Variants in C4orf54 observed in about 807,000 individuals in gnomAD.
C4orf54 encodes the protein uncharacterized protein C4orf54.
C4orf54 carries 67 observed loss-of-function variants against 80.1 expected under a neutral mutation model. That is an observed-to-expected ratio of 0.84 (90% CI 0.69 to 1.03). C4orf54 has a LOEUF of 1.03. C4orf54 is among the 50% of genes least tolerant of loss of function. The pLI is 0.00. For synonymous variants in C4orf54, 1,000 were observed against 917.0 expected, an observed-to-expected ratio of 1.09 and a Z score of -1.64; for missense variants, 2,434 against 2,253.5, an observed-to-expected ratio of 1.08 and a Z score of -1.62.
rs754282471 is a variant in C4orf54 at position 99,649,414 on chromosome 4, G to A, written c.5235C>T (p.Ala1745=). 3.4e-5 allele frequency: 52 copies of A among 1,536,154 alleles called. No individual in the cohort carries two copies. In the South Asian group the frequency reaches 5.7e-4, roughly 17 times the overall value. Residue 1745 remains alanine (A), a synonymous_variant, in exon 2 of 3, where the codon GCC becomes GCT. Coordinates refer to ENST00000511828, the MANE Select transcript of C4orf54 (RefSeq NM_001354435.2). ...CCTTGGCCCCTAGGAGCTGGGATGT[G>A]GCTGCTGGGGCTGAGGAGGTTGAGG... ...PASSTSSAPA[A]TSQLLGAKAF...
chr4:99,650,869 G>C lies in C4orf54; in HGVS notation c.3780C>G (p.Ala1260=). 1 of 1,536,132 alleles carries C rather than the reference G, an allele frequency of 6.5e-7. No homozygotes were observed. The highest frequency in any genetic ancestry group is 8.7e-7 in the Non-Finnish European group (1 of 1,146,916). Residue 1260 remains alanine, a synonymous_variant, in exon 2 of 3, where the codon GCC becomes GCG. Transcript: ENST00000511828. ...ARNALEKLTA[A]VRSMEELYSF... is the part of the protein sequence containing the mutation. Reference sequence around the variant, plus strand: ...TGTACAGCTCTTCCATGGACCTCACGGCTGCAGTCAGCTTCTCCAGGGCAT... The same window carrying C: ...TGTACAGCTCTTCCATGGACCTCACCGCTGCAGTCAGCTTCTCCAGGGCAT...
intron 2 of C4orf54, among the ~76,000 whole-genome samples, chr4:99,642,336 C>T (rs910178375): frequency 2.6e-5 from 4 of 152,132 alleles, no homozygotes; most frequent in African/African-American, 7.2e-5. Flanking sequence ...TGACTGAGTC[C>T]TATCACTAGG....
intron 2 of C4orf54, 89 bp downstream of exon 2, chr4:99,649,142 C>G: frequency 8.2e-7 from 1 of 1,219,498 alleles, no homozygotes; most frequent in Middle Eastern, 2.8e-4. Context: ...AGACAGCCTC[C>G]TTTATTGTAA....
Position 99,638,522 on chromosome 4 carries a change from A to T in C4orf54, c.*2711T>A, listed in dbSNP as rs1382232108. 6.6e-6 allele frequency: 1 copy of T among 152,190 alleles called. No homozygotes were observed. The highest frequency in any genetic ancestry group is 1.5e-5 in the Non-Finnish European group (1 of 68,012). The allele number at this position is 152,190 out of a possible 1,614,324, so 9.4% of individuals were successfully genotyped here. A position where few individuals can be genotyped will look rare whatever the true frequency, so the allele number is the denominator to read the frequency against. On this transcript the variant is annotated 3_prime_UTR_variant, in exon 3 of 3. Coordinates refer to ENST00000511828, the MANE Select transcript of C4orf54 (RefSeq NM_001354435.2). The stretch of plus-strand genomic sequence containing the variant: ...TAGATTCAAGTTCAAGGCACTATTT[A>T]GGAAATGTTTTACTAATGGTTTTAT...
Position 99,651,301 on chromosome 4 carries a change from C to T in C4orf54, c.3348G>A (p.Gly1116=), listed in dbSNP as rs746004141. Residue 1116 remains glycine, a synonymous_variant, in exon 2 of 3, where the codon GGG becomes GGA. Coordinates refer to ENST00000511828, the MANE Select transcript of C4orf54 (RefSeq NM_001354435.2). ...TAACACTGCCCTTGTCACTACTATCCCCTGACCCTTTAATTAGTTTCCTGA... is the reference window on the plus strand; with the variant it reads ...TAACACTGCCCTTGTCACTACTATCTCCTGACCCTTTAATTAGTTTCCTGA... ...RDVRKLIKGS[G]DSSDKGSVTP... The T allele has an allele frequency of 5.9e-6, 9 of 1,536,120 alleles. No individual in the cohort carries two copies. Among genetic ancestry groups the T allele is most frequent in the Non-Finnish European group, 7.8e-6 (9 of 1,146,918 alleles).
In C4orf54 at chr4:99,652,975, T is replaced by A. The variant is rs1328439357; in HGVS notation, c.1674A>T (p.Thr558=). The stretch of plus-strand genomic sequence containing the variant: ...GCGAACTTGAATTGTGTTCAGCAGC[T>A]GTAGAGACGCGGAGGCTCATGTCGC... The part of the protein sequence containing the change: ...HEGDMSLRVS[T]AAEHNSSSLK... The change falls in exon 2 of 3, where the codon ACA becomes ACT. Residue 558 remains threonine (T), a synonymous_variant. Transcript: ENST00000511828. The A allele has an allele frequency of 1.0e-5, 16 of 1,536,060 alleles. No individual in the cohort carries two copies. The East Asian group carries it at 3.7e-4, about 35-fold the overall frequency.
rs1168404507 is a variant in C4orf54 at position 99,637,990 on chromosome 4, T to C, written c.*3243A>G. ...ATTTCAGGTAACGTGAGCATTCAAT[T>C]TGTAGCAAACACAGACTTTGATTTC... On this transcript the variant is annotated 3_prime_UTR_variant, in exon 3 of 3. Transcript: ENST00000511828. 1 of 152,156 alleles carries C rather than the reference T, an allele frequency of 6.6e-6. No homozygotes were observed. The highest frequency in any genetic ancestry group is 1.5e-5 in the Non-Finnish European group (1 of 67,996). The allele number at this position is 152,156 out of a possible 1,614,324, so 9.4% of individuals were successfully genotyped here. A position where few individuals can be genotyped will look rare whatever the true frequency, so the allele number is the denominator to read the frequency against.
rs1265120926 is a variant in C4orf54 at position 99,638,176 on chromosome 4, T to C, written c.*3057A>G. 6.6e-6 allele frequency: 1 copy of C among 152,172 alleles called. No homozygotes were observed. The highest frequency in any genetic ancestry group is 2.4e-5 in the African/African-American group (1 of 41,462). 9.4% of individuals were successfully genotyped at this position (152,172 alleles called of 1,614,324 possible). On this transcript the variant is annotated 3_prime_UTR_variant, in exon 3 of 3. Coordinates refer to ENST00000511828, the MANE Select transcript of C4orf54 (RefSeq NM_001354435.2). ...ATAGTTGAGATTTGTTATAAAGATA[T>C]AAAGTGTGATTTGCTTTAGCTTATT...
In C4orf54 at chr4:99,640,893, T is replaced by G. The variant is rs972746162; in HGVS notation, c.*340A>C. 1 of 152,176 alleles carries G rather than the reference T, an allele frequency of 6.6e-6. No homozygotes were observed. The highest frequency in any genetic ancestry group is 1.5e-5 in the Non-Finnish European group (1 of 68,016). 9.4% of individuals were successfully genotyped at this position (152,176 alleles called of 1,614,324 possible). On this transcript the variant is annotated 3_prime_UTR_variant, in exon 3 of 3. Coordinates refer to ENST00000511828, the MANE Select transcript of C4orf54 (RefSeq NM_001354435.2). ...TGAACAATGGGAACAAAGGAATTGT[T>G]TGTCTAGTCACAAGTACAGGGGGGA... is the stretch of plus-strand genomic sequence containing the variant.
In C4orf54 at chr4:99,652,351, A is replaced by G; in HGVS notation, c.2298T>C (p.Pro766=). ...GGCCTTTGGTGGCCCTGCCGGGCCCAGGGGCCGAGCTGGCTTTGCTCTCAC... is the reference window on the plus strand; with the variant it reads ...GGCCTTTGGTGGCCCTGCCGGGCCCGGGGGCCGAGCTGGCTTTGCTCTCAC... The part of the protein sequence containing the change: ...VRSESKASSA[P]GPGRATKGPG... Residue 766 remains proline, a synonymous_variant, in exon 2 of 3, where the codon CCT becomes CCC. Coordinates refer to ENST00000511828, the MANE Select transcript of C4orf54 (RefSeq NM_001354435.2). 1 of 1,535,892 alleles carries G rather than the reference A, an allele frequency of 6.5e-7. No homozygotes were observed. The highest frequency in any genetic ancestry group is 2.0e-5 in the Admixed American group (1 of 50,984).
At chr4:99,645,744 G>C (rs143712580) in intron 2 of C4orf54, among the ~76,000 whole-genome samples, 2,645 of 152,190 alleles carry the variant, frequency 0.017, 31 homozygotes, top group Admixed American at 0.028. Context: ...AAAATAGGCA[G>C]ACAAAAAGGC....
Position 99,650,824 on chromosome 4 carries a change from C to G in C4orf54, c.3825G>C (p.Trp1275Cys), listed in dbSNP as rs1162861404. Residue 1275 changes from tryptophan to cysteine, a missense_variant, in exon 2 of 3, where the codon TGG (tryptophan) becomes TGC (cysteine). Trp to Cys is a radical substitution (Grantham distance 215). Coordinates refer to ENST00000511828, the MANE Select transcript of C4orf54 (RefSeq NM_001354435.2). Reference protein sequence around the residue: ...EELYSFNRNEWKRKSDPLPMM... With the variant: ...EELYSFNRNECKRKSDPLPMM... ...TAGGCAAGGGGTCGCTTTTGCGCTT[C>G]CACTCGTTCCTGTTGAAGCTGTACA... 2 of 1,536,078 alleles carry G rather than the reference C, an allele frequency of 1.3e-6. No homozygotes were observed. Among genetic ancestry groups the G allele is most frequent in the African/African-American group, 2.7e-5 (2 of 73,044 alleles).
rs1224212782 is a variant in C4orf54 at position 99,639,696 on chromosome 4, G to T, written c.*1537C>A. On this transcript the variant is annotated 3_prime_UTR_variant, in exon 3 of 3. Transcript: ENST00000511828. ...GATCCCTTAAAGGAAGGCCCTGAAA[G>T]TGAAATTAAGTCTTTTTTAAGAGTC... 1 of 152,062 alleles carries T rather than the reference G, an allele frequency of 6.6e-6. No individual in the cohort carries two copies. Among genetic ancestry groups the T allele is most frequent in the Non-Finnish European group, 1.5e-5 (1 of 67,976 alleles). The allele number at this position is 152,062 out of a possible 1,614,324, so 9.4% of individuals were successfully genotyped here.
Position 99,651,218 on chromosome 4 carries a change from C to A in C4orf54, c.3431G>T (p.Gly1144Val). The A allele has an allele frequency of 6.5e-7, 1 of 1,536,166 alleles. No homozygotes were observed. Among genetic ancestry groups the A allele is most frequent in the Non-Finnish European group, 8.7e-7 (1 of 1,146,914 alleles). The change falls in exon 2 of 3, where the codon GGA becomes GTA. Residue 1144 changes from glycine to valine, a missense_variant. Transcript: ENST00000511828. ...CACCATGGGGGACAGGGATCCAGATCCGCCAGCTGCTGCAGACAGCTGCCT... is the reference window on the plus strand; with the variant it reads ...CACCATGGGGGACAGGGATCCAGATACGCCAGCTGCTGCAGACAGCTGCCT... ...KPRQLSAAAG[G>V]SGSLSPMVIT...
intron 2 of C4orf54, among the ~76,000 whole-genome samples, chr4:99,644,735 C>G (rs945697531): frequency 1.5e-5 from 2 of 131,024 alleles, no homozygotes; most frequent in African/African-American, 6.6e-5. Flanking sequence ...GCTGTCTAAT[C>G]TATGATAATA....
chr4:99,636,722 T>C lies in C4orf54; in HGVS notation c.*4511A>G, dbSNP rs1206422777. ...ATATTCAATGCACTGAAAATGTGAT[T>C]CTCAGAGCTGTCGAGATTCAAAGTT... On this transcript the variant is annotated 3_prime_UTR_variant, in exon 3 of 3. Transcript: ENST00000511828. The C allele has an allele frequency of 2.0e-5, 3 of 152,152 alleles. No individual in the cohort carries two copies. Among genetic ancestry groups the C allele is most frequent in the Non-Finnish European group, 4.4e-5 (3 of 68,014 alleles). The allele number at this position is 152,152 out of a possible 1,614,324, so 9.4% of individuals were successfully genotyped here. A position where few individuals can be genotyped will look rare whatever the true frequency, so the allele number is the denominator to read the frequency against.
Position 99,652,835 on chromosome 4 carries a change from T to C in C4orf54, c.1814A>G (p.Tyr605Cys). Residue 605 changes from tyrosine to cysteine, a missense_variant, in exon 2 of 3, where the codon TAC becomes TGC. Tyr to Cys is a radical substitution (Grantham distance 194). Coordinates refer to ENST00000511828, the MANE Select transcript of C4orf54 (RefSeq NM_001354435.2). ...CACGGCACTGGAGGCTCCGCTGGAGTAGTCCACCAGCTCCTTCGCCCGGAT... is the reference window on the plus strand; with the variant it reads ...CACGGCACTGGAGGCTCCGCTGGAGCAGTCCACCAGCTCCTTCGCCCGGAT... ...GAIRAKELVD[Y>C]SSGASSAVSE... The C allele has an allele frequency of 4.6e-6, 7 of 1,535,908 alleles. No homozygotes were observed. Among genetic ancestry groups the C allele is most frequent in the Non-Finnish European group, 6.1e-6 (7 of 1,146,860 alleles).
At position 99,652,254 on chromosome 4, in the gene C4orf54, G is replaced by A. The variant is rs766624829; in HGVS notation, c.2395C>T (p.Arg799Cys). The change falls in exon 2 of 3, where the codon CGC (arginine) becomes TGC (cysteine). Residue 799 changes from arginine (R) to cysteine (C), a missense_variant. Coordinates refer to ENST00000511828, the MANE Select transcript of C4orf54 (RefSeq NM_001354435.2). ...ETSEGSKPTSRADGPQKSKFA... is the reference protein window; with the variant it reads ...ETSEGSKPTSCADGPQKSKFA... Reference sequence around the variant, plus strand: ...TTGGACTTCTGGGGGCCATCGGCGCGGGAGGTGGGCTTGCTGCCCTCGGAG... The same window carrying A: ...TTGGACTTCTGGGGGCCATCGGCGCAGGAGGTGGGCTTGCTGCCCTCGGAG... The A allele has an allele frequency of 5.5e-5, 84 of 1,535,906 alleles. No individual in the cohort carries two copies. Among genetic ancestry groups the A allele is most frequent in the Admixed American group, 2.4e-4 (12 of 50,994 alleles).
chr4:99,653,365 G>T lies in C4orf54; in HGVS notation c.1284C>A (p.Asp428Glu), dbSNP rs1365476956. The change falls in exon 2 of 3, where the codon GAC becomes GAA. Residue 428 changes from aspartate to glutamate, a missense_variant. Asp to Glu is a conservative substitution (Grantham distance 45). Coordinates refer to ENST00000511828, the MANE Select transcript of C4orf54 (RefSeq NM_001354435.2). ...GAGTGGTGCTGAGGTAGCAGCTGTT[G>T]TCGTCGTCCTCTTCGGTCAGACTGG... ...DITSLTEEDD[D>E]NSCYLSTTPS... 3 of 1,536,138 alleles carry T rather than the reference G, an allele frequency of 2.0e-6. No individual in the cohort carries two copies. In the African/African-American group the frequency reaches 4.1e-5, roughly 21 times the overall value.
Sources: allele counts gnomAD v4.1 joint callset (sites outside exome capture counted in the v4.1 genomes callset), GRCh38; gene constraint gnomAD v4.1.1; transcripts MANE v1.5; gene names NCBI Gene and HGNC (gene_info 2026-07-23, HGNC 2026-07-21).